The following EDA2R variants were observed in gnomAD, a reference collection of about 807,000 sequenced individuals.
The protein encoded by EDA2R is tumor necrosis factor receptor superfamily member 27.
EDA2R carries 26 observed loss-of-function variants against 20.1 expected under a neutral mutation model. The ratio of observed to expected loss-of-function variants is 1.30; its 90% CI spans 0.95 to 1.80. EDA2R has a LOEUF of 1.80. EDA2R is among the 40% of genes most tolerant of loss of function. The pLI is 0.00. For missense variants in EDA2R, 277 were observed against 228.7 expected (o/e 1.21, Z -1.36); for synonymous variants, 114 against 88.7 (o/e 1.29, Z -1.60).
rs754563108 is a variant in EDA2R, at chrX:66,599,476, C to T, written c.*8G>A. On this transcript the variant is annotated splice_region_variant and 3_prime_UTR_variant, in exon 6 of 7. Coordinates refer to ENST00000374719, the MANE Select transcript of EDA2R (RefSeq NM_021783.5). Reference sequence around the variant, plus strand: ...TCTGATCCACCTTTCCAGCTCACCTCATTAGAGTTAAGGGCTGGGAACTTC... The same window carrying T: ...TCTGATCCACCTTTCCAGCTCACCTTATTAGAGTTAAGGGCTGGGAACTTC... 10 of 1,142,686 alleles carry T rather than the reference C, an allele frequency of 8.8e-6. No homozygotes were observed. Among genetic ancestry groups the T allele is most frequent in the Non-Finnish European group, 9.3e-6 (8 of 858,939 alleles). The allele number at this position is 1,142,686 out of a possible 1,213,427, so 94.2% of individuals were successfully genotyped here.
At chrX:66,612,337 T>C (rs1165459655) in intron 2 of EDA2R, among the ~76,000 whole-genome samples, 1 of 111,811 alleles carries the variant, frequency 8.9e-6, no homozygotes, top group Non-Finnish European at 1.9e-5. Context: ...TCATAGTAGA[T>C]GACTAAAACA....
chrX:66,606,729 A>G (rs1219975338), intron 2 of EDA2R, among the ~76,000 whole-genome samples: 3 of 112,432 alleles, frequency 2.7e-5, no homozygotes, highest in African/African-American at 9.7e-5. Context: ...GTCCTAAAGT[A>G]GTGGAAGTCT....
intron 1 of EDA2R, among the ~76,000 whole-genome samples, chrX:66,617,826 T>C (rs1356056470): frequency 4.7e-5 from 5 of 106,014 alleles, no homozygotes; most frequent in Non-Finnish European, 9.6e-5. Context: ...TCCCCTCTTT[T>C]TTCCCTCCCT....
At position 66,596,973 on chromosome X, in the gene EDA2R, T is replaced by G. The variant is rs1355639411; in HGVS notation, c.*1131A>C. 4 of 112,685 alleles carry G rather than the reference T, an allele frequency of 3.5e-5. No individual in the cohort carries two copies. The highest frequency in any genetic ancestry group is 7.5e-5 in the Non-Finnish European group (4 of 53,338). 9.3% of individuals were successfully genotyped at this position (112,685 alleles called of 1,213,427 possible). ...GGTTGCCCCAGGGGCCCTTAATCAG[T>G]GTTTGTAGATGGATGAACCCAAAAG... On this transcript the variant is annotated 3_prime_UTR_variant, in exon 7 of 7. Transcript: ENST00000374719.
At chrX:66,629,218 A>T (rs763665098) in intron 1 of EDA2R, among the ~76,000 whole-genome samples, 1 of 111,744 alleles carries the variant, frequency 8.9e-6, no homozygotes, top group African/African-American at 3.3e-5. Flanking sequence ...TCTATGACAA[A>T]CCCATAGCCA....
intron 5 of EDA2R, 185 bp from the exon 6 acceptor site, chrX:66,600,045 G>T (rs931125203): frequency 9.5e-6 from 11 of 1,159,290 alleles, no homozygotes; most frequent in Non-Finnish European, 1.2e-5. Flanking sequence ...TTACATTCAG[G>T]TATCAGATTG....
chrX:66,603,609 T>G (rs1221609312), intron 4 of EDA2R, among the ~76,000 whole-genome samples: 1 of 111,641 alleles, frequency 9.0e-6, no homozygotes, highest in African/African-American at 3.3e-5. Flanking sequence ...AAAATAAACT[T>G]TTATTGTATA....
intron 1 of EDA2R, among the ~76,000 whole-genome samples, chrX:66,630,822 TACACACAC>T (rs768792873): frequency 1.1e-3 from 100 of 93,686 alleles, no homozygotes; most frequent in Admixed American, 1.3e-3. Context: ...TATATATATA[TACACACAC>T]ACACACACAC....
chrX:66,612,818 T>A (rs1351136668), intron 2 of EDA2R, among the ~76,000 whole-genome samples: 1 of 111,605 alleles, frequency 9.0e-6, no homozygotes, highest in Non-Finnish European at 1.9e-5. Flanking sequence ...AAATGAATAA[T>A]TTTTAATAAA....
chrX:66,606,222 A>T (rs1929656568), intron 2 of EDA2R, among the ~76,000 whole-genome samples: 1 of 112,321 alleles, frequency 8.9e-6, no homozygotes, highest in Non-Finnish European at 1.9e-5. Flanking sequence ...TTGTAGCAGA[A>T]GCTGGCTGGT....
intron 2 of EDA2R, among the ~76,000 whole-genome samples, chrX:66,606,218 C>T (rs751548041): frequency 8.9e-6 from 1 of 112,264 alleles, no homozygotes; most frequent in Admixed American, 9.4e-5. Context: ...CTAGTTGTAG[C>T]AGAAGCTGGC....
intron 1 of EDA2R, among the ~76,000 whole-genome samples, chrX:66,621,479 G>A (rs1172780200): frequency 2.7e-5 from 3 of 112,146 alleles, no homozygotes; most frequent in Non-Finnish European, 5.6e-5. Flanking sequence ...ATTTATAATA[G>A]CCAAAAAGTG....
At chrX:66,623,968 A>C (rs954897059) in intron 1 of EDA2R, among the ~76,000 whole-genome samples, 2 of 111,996 alleles carry the variant, frequency 1.8e-5, no homozygotes, top group African/African-American at 6.5e-5. Context: ...TTTCTTCCCC[A>C]GTTAGAATGT....
chrX:66,599,652 C>T lies in EDA2R; in HGVS notation c.726G>A (p.Glu242=), dbSNP rs150986690. ...GGCTGTGGACCCAGTGGGAGTGGCT[C>T]TCTGAGGTGCAGGAGGCCATGGTAA... ...ESFTMASCTS[E]SHSHWVHSPI... Residue 242 remains glutamate (E), a synonymous_variant, in exon 6 of 7, where the codon GAG becomes GAA. Transcript: ENST00000374719. 1.5e-4 allele frequency: 183 copies of T among 1,205,136 alleles called. No individual in the cohort carries two copies. The highest frequency in any genetic ancestry group is 1.3e-3 in the African/African-American group (75 of 56,882).
At chrX:66,630,822 T>TATAC (rs1555959605) in intron 1 of EDA2R, among the ~76,000 whole-genome samples, 40 of 93,693 alleles carry the variant, frequency 4.3e-4, no homozygotes, top group Middle Eastern at 5.5e-3. Flanking sequence ...TATATATATA[T>TATAC]ACACACACAC....
rs1214545206 is a variant in EDA2R at position 66,595,772 on chromosome X, G to GA, written c.*2331dup. 3.6e-5 allele frequency: 4 copies of GA among 111,633 alleles called. No homozygotes were observed. The highest frequency in any genetic ancestry group is 5.7e-5 in the Non-Finnish European group (3 of 53,046). 9.2% of individuals were successfully genotyped at this position (111,633 alleles called of 1,213,427 possible). A position where few individuals can be genotyped will look rare whatever the true frequency, so the allele number is the denominator to read the frequency against. ...ATTTCTATAAATAACCCATTTATGA[G>GA]AAAAAATAATTAAAATGTACCAATA... is the stretch of plus-strand genomic sequence containing the variant. On this transcript the variant is annotated 3_prime_UTR_variant, in exon 7 of 7. Transcript: ENST00000374719.
At chrX:66,615,696 C>T (rs1224447585) in intron 2 of EDA2R, among the ~76,000 whole-genome samples, 1 of 111,527 alleles carries the variant, frequency 9.0e-6, no homozygotes. Context: ...CTCTGCATTA[C>T]ACATCTATTC....
At chrX:66,630,196 T>C (rs1333194297) in intron 1 of EDA2R, among the ~76,000 whole-genome samples, 3 of 111,684 alleles carry the variant, frequency 2.7e-5, no homozygotes, top group Non-Finnish European at 3.8e-5. Context: ...CAATTCAAGA[T>C]AGATTAAGGA....
chrX:66,634,326 C>A (rs945199431), intron 1 of EDA2R, among the ~76,000 whole-genome samples: 3 of 111,944 alleles, frequency 2.7e-5, no homozygotes, highest in Non-Finnish European at 5.6e-5. Context: ...TATGTAAATG[C>A]ACATTCTTTG....
Sources: gnomAD v4.1 joint callset for allele counts (sites outside exome capture counted in the v4.1 genomes callset) on GRCh38, gnomAD v4.1.1 for gene constraint, MANE v1.5 for transcripts, NCBI Gene and HGNC (gene_info 2026-07-23, HGNC 2026-07-21) for gene names.